PRPF6: variants seen among roughly 807,000 people sequenced by gnomAD.
The protein encoded by PRPF6 is pre-mRNA processing factor 6.
A neutral mutation model predicts 118.3 loss-of-function variants in PRPF6; 42 were observed. That is an observed-to-expected ratio of 0.35 (90% CI 0.28 to 0.46). PRPF6 has a LOEUF of 0.46. Among genes scored for constraint, PRPF6 ranks in the 20% least tolerant of loss-of-function variants. PRPF6 has a pLI of 1.00. For missense variants in PRPF6, 662 were observed against 1,255.7 expected, an observed-to-expected ratio of 0.53 and a Z score of 7.15; for synonymous variants, 481 against 485.1, an observed-to-expected ratio of 0.99 and a Z score of 0.11.
In PRPF6 at chr20:64,032,154, G is replaced by A. The variant is rs2059317835; in HGVS notation, c.2673+110G>A. ...GCCACGGCCAGCGTGACTCTGCCCG[G>A]GGTCGGGAGGATGGACCGGGTGTGT... is the stretch of plus-strand genomic sequence containing the variant. On this transcript the variant is annotated intron_variant, in intron 20 of 20. Transcript: ENST00000266079. The A allele has an allele frequency of 5.2e-6, 8 of 1,545,204 alleles. No homozygotes were observed. In the South Asian group the frequency reaches 7.8e-5, roughly 15 times the overall value.
rs1019628404 is a variant in PRPF6 at position 63,982,896 on chromosome 20, G to A, written c.72-151G>A. ...TTCAGGTAAGCAGAGAAGATCAGAAGTGTTTGAGACTGCAGTTCATTGTCA... is the reference window on the plus strand; with the variant it reads ...TTCAGGTAAGCAGAGAAGATCAGAAATGTTTGAGACTGCAGTTCATTGTCA... On this transcript the variant is annotated intron_variant, in intron 1 of 20. Coordinates refer to ENST00000266079, the MANE Select transcript of PRPF6 (RefSeq NM_012469.4). The A allele has an allele frequency of 6.3e-5, 56 of 884,998 alleles. No homozygotes were observed. In the African/African-American group the frequency reaches 9.0e-4, roughly 14 times the overall value. 54.8% of individuals were successfully genotyped at this position (884,998 alleles called of 1,614,324 possible).
In PRPF6 at chr20:64,026,884, C is replaced by T; in HGVS notation, c.2029-98C>T. The stretch of plus-strand genomic sequence containing the variant: ...AGGCTATGAAAAGCTTACAAAAGTA[C>T]ACACAGTACTGCAGGTAACAGTGTT... On this transcript the variant is annotated intron_variant, in intron 15 of 20. Coordinates refer to ENST00000266079, the MANE Select transcript of PRPF6 (RefSeq NM_012469.4). This position sits in a 1 kb window ranked among gnomAD's most constrained non-coding sequence, Gnocchi z 4.4. 4 of 1,241,604 alleles carry T rather than the reference C, an allele frequency of 3.2e-6. 1 individual carries two copies. The highest frequency in any genetic ancestry group is 4.7e-6 in the Non-Finnish European group (4 of 845,760). The allele number at this position is 1,241,604 out of a possible 1,614,324, so 76.9% of individuals were successfully genotyped here.
intron 12 of PRPF6, among the ~76,000 whole-genome samples, chr20:64,018,929 C>T (rs1260579441): frequency 6.6e-6 from 1 of 152,190 alleles, no homozygotes; most frequent in Non-Finnish European, 1.5e-5. Context: ...CCACTGCTGG[C>T]ATTGACCGTG....
intron 9 of PRPF6, among the ~76,000 whole-genome samples, chr20:64,003,627 G>T (rs1299830233): frequency 6.6e-6 from 1 of 151,998 alleles, no homozygotes; most frequent in African/African-American, 2.4e-5. Flanking sequence ...ACAGAGTCTC[G>T]CTCTGTCGCC....
rs1310813903 is a variant in PRPF6 at position 64,028,193 on chromosome 20, G to A, written c.2340-285G>A. ...CAGGCAGCTTCTGGGTGCCTTGTGCGGCCCTGGCTCTCCCAGTCTGGTCTT... is the reference window on the plus strand; with the variant it reads ...CAGGCAGCTTCTGGGTGCCTTGTGCAGCCCTGGCTCTCCCAGTCTGGTCTT... On this transcript the variant is annotated intron_variant, in intron 17 of 20. Transcript: ENST00000266079. This position sits in a 1 kb window ranked among gnomAD's most constrained non-coding sequence, Gnocchi z 6.5. 6.6e-6 allele frequency among the ~76,000 whole-genome samples: 1 copy of A among 152,326 alleles called. No individual in the cohort carries two copies. The highest frequency in any genetic ancestry group is 1.9e-4 in the East Asian group (1 of 5,182).
Position 63,983,139 on chromosome 20 carries a change from C to T in PRPF6, c.164C>T (p.Thr55Ile). The T allele has an allele frequency of 6.2e-7, 1 of 1,614,146 alleles. No individual in the cohort carries two copies. The highest frequency in any genetic ancestry group is 8.5e-7 in the Non-Finnish European group (1 of 1,180,032). The part of the protein sequence containing the change: ...DDRHAPPGKR[T>I]VGDQMKKNQA... ...CGCCATGCACCCCCAGGCAAGAGAA[C>T]CGTTGGGGACCAGATGAAGAAAAAT... The change falls in exon 2 of 21, where the codon ACC becomes ATC. Residue 55 changes from threonine (T) to isoleucine (I), a missense_variant. Thr to Ile is a moderately conservative substitution (Grantham distance 89, BLOSUM62 -1). Transcript: ENST00000266079.
intron 2 of PRPF6, among the ~76,000 whole-genome samples, chr20:63,984,411 ACT>A (rs2059084620): frequency 6.6e-6 from 1 of 150,856 alleles, no homozygotes; most frequent in Non-Finnish European, 1.5e-5. Context: ...AGAGTGCGAG[ACT>A]CTGTCTCAGA....
chr20:64,001,369 A>C, intron 9 of PRPF6, 130 bp downstream of exon 9: 11 of 1,138,822 alleles, frequency 9.7e-6, no homozygotes, highest in Non-Finnish European at 1.4e-5. Context: ...GCCTTTTCTC[A>C]GGCTGGGTTG....
rs1246917201 is a variant in PRPF6 at position 64,029,990 on chromosome 20, G to A, written c.2546+499G>A. On this transcript the variant is annotated intron_variant, in intron 19 of 20. Transcript: ENST00000266079. This position sits in a 1 kb window ranked among gnomAD's most constrained non-coding sequence, Gnocchi z 4.8. Reference sequence around the variant, plus strand: ...GGGGACGCGTGTGATTCACACTGGTGCGCTGGCCGCTGGGTCAGAGACTCA... The same window carrying A: ...GGGGACGCGTGTGATTCACACTGGTACGCTGGCCGCTGGGTCAGAGACTCA... 2.0e-5 allele frequency among the ~76,000 whole-genome samples: 3 copies of A among 152,210 alleles called. No individual in the cohort carries two copies. The highest frequency in any genetic ancestry group is 4.4e-5 in the Non-Finnish European group (3 of 68,034).
chr20:64,001,689 T>C (rs1569216277), intron 9 of PRPF6, among the ~76,000 whole-genome samples: 3 of 152,244 alleles, frequency 2.0e-5, no homozygotes, highest in African/African-American at 7.2e-5. Context: ...TTGATTGAAC[T>C]CTTTCCTGCT....
chr20:64,011,248 A>G lies in PRPF6; in HGVS notation c.1306-37A>G. 1.2e-6 allele frequency: 2 copies of G among 1,601,414 alleles called. No homozygotes were observed. The highest frequency in any genetic ancestry group is 1.3e-5 in the African/African-American group (1 of 74,750). ...TGGCCTGCAGCTGTCCCCCCAGCAC[A>G]GTGTCCTCTCCTTTTTCTCGTGTCC... On this transcript the variant is annotated intron_variant, in intron 10 of 20. Transcript: ENST00000266079. The surrounding 1 kb of genome is among the most constrained non-coding windows in gnomAD (Gnocchi z 6.7).
intron 3 of PRPF6, among the ~76,000 whole-genome samples, chr20:63,991,184 G>A (rs1292211381): frequency 6.6e-6 from 1 of 152,042 alleles, no homozygotes; most frequent in Non-Finnish European, 1.5e-5. Context: ...AGTACCTTGG[G>A]AGGCCAAGGC....
intron 12 of PRPF6, among the ~76,000 whole-genome samples, chr20:64,017,822 C>T (rs965101795): frequency 1.3e-5 from 2 of 152,318 alleles, no homozygotes; most frequent in African/African-American, 4.8e-5. Context: ...TAAAAGAGGA[C>T]GTTCTCTTAC....
At chr20:64,005,842 C>A (rs189069899) in intron 9 of PRPF6, among the ~76,000 whole-genome samples, 302 of 152,186 alleles carry the variant, frequency 2.0e-3, no homozygotes, top group Admixed American at 6.8e-3. Flanking sequence ...TCAAACTATC[C>A]TCCAGTCTCA....
At position 64,024,585 on chromosome 20, in the gene PRPF6, T is replaced by G. The variant is rs963967122; in HGVS notation, c.1800T>G (p.Ala600=). 6.2e-7 allele frequency: 1 copy of G among 1,613,572 alleles called. No individual in the cohort carries two copies. Among genetic ancestry groups the G allele is most frequent in the Non-Finnish European group, 8.5e-7 (1 of 1,180,048 alleles). ...RESLEALLQR[A]VAHCPKAEVL... ...CCCTGGAAGCACTCCTGCAGAGGGC[T>G]GTGGCCCACTGCCCCAAAGCAGAGG... The change falls in exon 14 of 21, where the codon GCT becomes GCG. Residue 600 remains alanine (A), a synonymous_variant. Coordinates refer to ENST00000266079, the MANE Select transcript of PRPF6 (RefSeq NM_012469.4).
At chr20:63,983,238 G>T in intron 2 of PRPF6, 23 bp downstream of exon 2, 1 of 1,613,942 alleles carries the variant, frequency 6.2e-7, no homozygotes, top group South Asian at 1.1e-5. Context: ...CGGCTTTCGT[G>T]GCTCCTCCAG....
intron 20 of PRPF6, 55 bp from the exon 21 acceptor site, chr20:64,032,786 G>A: frequency 1.3e-6 from 2 of 1,559,618 alleles, no homozygotes; most frequent in Middle Eastern, 1.9e-4. Flanking sequence ...AGCAGGCGAG[G>A]TCCGGGGAGT....
chr20:63,985,101 C>T (rs1478326290), intron 3 of PRPF6, 76 bp downstream of exon 3: 16 of 1,165,526 alleles, frequency 1.4e-5, no homozygotes, highest in Non-Finnish European at 1.8e-5. Context: ...CAGTGGCTCA[C>T]GTGTGTAATC....
intron 12 of PRPF6, 107 bp downstream of exon 12, chr20:64,016,952 TTTA>T: frequency 3.4e-6 from 5 of 1,490,672 alleles, no homozygotes; most frequent in African/African-American, 1.4e-5. Context: ...TTTTTTTTTT[TTTA>T]AATCTGAGAC....
Sources: allele counts gnomAD v4.1 joint callset (sites outside exome capture counted in the v4.1 genomes callset), GRCh38; gene constraint gnomAD v4.1.1; non-coding constraint Gnocchi (gnomAD v3.1); transcripts MANE v1.5; gene names NCBI Gene and HGNC (gene_info 2026-07-23, HGNC 2026-07-21).